SLC25A35: variants seen among roughly 807,000 people sequenced by gnomAD.
SLC25A35 encodes the protein solute carrier family 25 member 35, also known as solute carrier family 25, member 35.
A neutral mutation model predicts 30.5 loss-of-function variants in SLC25A35; 32 were observed. The observed-to-expected ratio is 1.05, with a 90% confidence interval of 0.79 to 1.41. The LOEUF (loss-of-function observed/expected upper bound fraction) is 1.41. SLC25A35 is among the 40% of genes most tolerant of loss of function. The probability of loss-of-function intolerance (pLI) is 0.00; values close to 1 mark genes in which losing one functional copy is unlikely to be tolerated. For missense variants in SLC25A35, 369 were observed against 388.0 expected, an observed-to-expected ratio of 0.95 and a Z score of 0.41; for synonymous variants, 142 against 158.1, an observed-to-expected ratio of 0.90 and a Z score of 0.77.
Position 8,290,666 on chromosome 17 carries a change from G to A in SLC25A35, c.742C>T (p.Arg248Trp), listed in dbSNP as rs766258497. Residue 248 changes from arginine (R) to tryptophan (W), a missense_variant, in exon 5 of 5, where the codon CGG becomes TGG. Arg to Trp is a moderately radical substitution (Grantham distance 101, BLOSUM62 -3). Coordinates refer to ENST00000577745, the MANE Select transcript of SLC25A35 (RefSeq NM_001320870.2). ...TGCAGCAGAGCGTCCAGTATCCCCCGGTACATGAGGCCCTGAGAGTGTGTC... is the reference window on the plus strand; with the variant it reads ...TGCAGCAGAGCGTCCAGTATCCCCCAGTACATGAGGCCCTGAGAGTGTGTC... ...TDAQGKGLMY[R>W]GILDALLQTA... is the part of the protein sequence containing the mutation. 67 of 1,572,818 alleles carry A rather than the reference G, an allele frequency of 4.3e-5. No homozygotes were observed. The highest frequency in any genetic ancestry group is 4.9e-5 in the Non-Finnish European group (57 of 1,165,756).
Position 8,294,535 on chromosome 17 carries a change from G to A in SLC25A35, c.273C>T (p.Gly91=), listed in dbSNP as rs761393917. ...LGTYGLAEAG[G]YLHTAEGTHS... is the part of the protein sequence containing the mutation. The stretch of plus-strand genomic sequence containing the variant: ...GGGTGCCTTCGGCTGTGTGCAGGTA[G>A]CCCCCAGCCTCAGCCAGCCCATAGG... Residue 91 remains glycine (G), a synonymous_variant, in exon 1 of 5, where the codon GGC becomes GGT. Coordinates refer to ENST00000577745, the MANE Select transcript of SLC25A35 (RefSeq NM_001320870.2). 1.2e-6 allele frequency: 2 copies of A among 1,613,918 alleles called. No homozygotes were observed. The highest frequency in any genetic ancestry group is 1.7e-6 in the Non-Finnish European group (2 of 1,180,014).
At chr17:8,288,598 AC>A, downstream of SLC25A35, 1 of 672,306 alleles carries the variant, frequency 1.5e-6, no homozygotes, top group Non-Finnish European at 2.6e-6. Context: ...AAAGCCGCTG[AC>A]CCCCGCCCCC....
At chr17:8,287,853 A>G (rs972121058), downstream of SLC25A35, 1 of 152,178 alleles carries the variant, frequency 6.6e-6, no homozygotes, top group Admixed American at 6.6e-5. Context: ...AGCATTCCCA[A>G]GGCAAATATT....
chr17:8,289,559 T>A, downstream of SLC25A35: 1 of 1,613,706 alleles, frequency 6.2e-7, no homozygotes, highest in Non-Finnish European at 8.5e-7. Flanking sequence ...AGTACCAGAC[T>A]GATCTCTTGC....
At position 8,294,565 on chromosome 17, in the gene SLC25A35, C is replaced by T; in HGVS notation, c.243G>A (p.Leu81=). ...CAGCCTCAGCCAGCCCATAGGTGCC[C>T]AGTCGGATGCCATTCATCAGGAACT... is the stretch of plus-strand genomic sequence containing the variant. ...LYQFLMNGIR[L]GTYGLAEAGG... Residue 81 remains leucine, a synonymous_variant, in exon 1 of 5, where the codon CTG becomes CTA. Transcript: ENST00000577745. 1 of 1,614,120 alleles carries T rather than the reference C, an allele frequency of 6.2e-7. No homozygotes were observed.
chr17:8,288,471 C>A, downstream of SLC25A35: 1 of 455,942 alleles, frequency 2.2e-6, no homozygotes, highest in Non-Finnish European at 4.1e-6. Context: ...CAAGAGGAGG[C>A]TGGCGGGAGC....
chr17:8,290,124 G>T lies in SLC25A35; in HGVS notation c.*381C>A. 6.8e-7 allele frequency: 1 copy of T among 1,471,160 alleles called. No homozygotes were observed. The highest frequency in any genetic ancestry group is 1.4e-5 in the South Asian group (1 of 69,750). The allele number at this position is 1,471,160 out of a possible 1,614,324, so 91.1% of individuals were successfully genotyped here. A position where few individuals can be genotyped will look rare whatever the true frequency, so the allele number is the denominator to read the frequency against. On this transcript the variant is annotated 3_prime_UTR_variant, in exon 5 of 5. Transcript: ENST00000577745. The stretch of plus-strand genomic sequence containing the variant: ...TGCCTTTGAATCTAACAGGACACCT[G>T]GGTCCCAGACGCCTGGGAATTGGGT...
At position 8,290,340 on chromosome 17, in the gene SLC25A35, A is replaced by C; in HGVS notation, c.*165T>G. 1 of 1,434,458 alleles carries C rather than the reference A, an allele frequency of 7.0e-7. No individual in the cohort carries two copies. Among genetic ancestry groups the C allele is most frequent in the Non-Finnish European group, 9.1e-7 (1 of 1,099,710 alleles). The allele number at this position is 1,434,458 out of a possible 1,614,324, so 88.9% of individuals were successfully genotyped here. A position where few individuals can be genotyped will look rare whatever the true frequency, so the allele number is the denominator to read the frequency against. ...AAGCAACACCCAAGGAAAGAAGGGA[A>C]ACTCATCTCTTGTAGTGATTCAACC... On this transcript the variant is annotated 3_prime_UTR_variant, in exon 5 of 5. Coordinates refer to ENST00000577745, the MANE Select transcript of SLC25A35 (RefSeq NM_001320870.2).
rs868172756 is a variant in SLC25A35 at position 8,290,189 on chromosome 17, C to T, written c.*316G>A. ...TGGTTTTGGAGGGAGGAGTTTAAAACTGTGCATGGGAGCAGGAGGGACTCA... is the reference window on the plus strand; with the variant it reads ...TGGTTTTGGAGGGAGGAGTTTAAAATTGTGCATGGGAGCAGGAGGGACTCA... On this transcript the variant is annotated 3_prime_UTR_variant, in exon 5 of 5. Coordinates refer to ENST00000577745, the MANE Select transcript of SLC25A35 (RefSeq NM_001320870.2). 4.2e-6 allele frequency: 6 copies of T among 1,431,502 alleles called. No homozygotes were observed. The highest frequency in any genetic ancestry group is 5.1e-4 in the Middle Eastern group (2 of 3,890). 88.7% of individuals were successfully genotyped at this position (1,431,502 alleles called of 1,614,324 possible). A position where few individuals can be genotyped will look rare whatever the true frequency, so the allele number is the denominator to read the frequency against.
At position 8,290,939 on chromosome 17, in the gene SLC25A35, GC is replaced by G. The variant is rs1452244923; in HGVS notation, c.631del (p.Ala211LeufsTer3). 11 of 1,614,106 alleles carry G rather than the reference GC, an allele frequency of 6.8e-6. No homozygotes were observed. Among genetic ancestry groups the G allele is most frequent in the Non-Finnish European group, 9.3e-6 (11 of 1,179,996 alleles). On this transcript the variant is annotated frameshift_variant, in exon 4 of 5. Transcript: ENST00000577745. LOFTEE classifies it high-confidence loss of function. ...AACTGCAATGCCACTCATCATGGCA[GC>G]CACCAGCGCCAACTTCCAGCTCTGG... is the stretch of plus-strand genomic sequence containing the variant. ...PPQSWKLALV[A>X]AMMSGIAVVL...
Position 8,294,939 on chromosome 17 carries a change from C to T in SLC25A35, c.-132G>A. Reference sequence around the variant, plus strand: ...TGCAGAAGATAAGAATTTAGATTTGCAGTCAAGGGTGTCAGGGTCAAATGT... The same window carrying T: ...TGCAGAAGATAAGAATTTAGATTTGTAGTCAAGGGTGTCAGGGTCAAATGT... On this transcript the variant is annotated 5_prime_UTR_variant, in exon 1 of 5. Coordinates refer to ENST00000577745, the MANE Select transcript of SLC25A35 (RefSeq NM_001320870.2). 1 of 1,450,296 alleles carries T rather than the reference C, an allele frequency of 6.9e-7. No homozygotes were observed. The highest frequency in any genetic ancestry group is 9.0e-7 in the Non-Finnish European group (1 of 1,106,910). 89.8% of individuals were successfully genotyped at this position (1,450,296 alleles called of 1,614,324 possible).
At chr17:8,289,890 T>G (rs1990347629), downstream of SLC25A35, 1 of 1,614,048 alleles carries the variant, frequency 6.2e-7, no homozygotes, top group Non-Finnish European at 8.5e-7. Flanking sequence ...GAACAGCTGG[T>G]GACCAGTCTG....
At position 8,295,028 on chromosome 17, in the gene SLC25A35, A is replaced by G; in HGVS notation, c.-221T>C. ...GCTGGCAAGCAGGGAAGAGATAGAA[A>G]TCTAGGAGATTCTGGTGAGAAGCTT... On this transcript the variant is annotated 5_prime_UTR_variant, in exon 1 of 5. Coordinates refer to ENST00000577745, the MANE Select transcript of SLC25A35 (RefSeq NM_001320870.2). 1 of 1,362,310 alleles carries G rather than the reference A, an allele frequency of 7.3e-7. No homozygotes were observed. Among genetic ancestry groups the G allele is most frequent in the East Asian group, 2.9e-5 (1 of 34,692 alleles). 84.4% of individuals were successfully genotyped at this position (1,362,310 alleles called of 1,614,324 possible). A position where few individuals can be genotyped will look rare whatever the true frequency, so the allele number is the denominator to read the frequency against.
At chr17:8,291,098 T>G in intron 3 of SLC25A35, 122 bp from the exon 4 acceptor site, 1 of 1,394,482 alleles carries the variant, frequency 7.2e-7, no homozygotes, top group Non-Finnish European at 9.8e-7. Context: ...GCACCAGTTA[T>G]AACAGTGCAA....
downstream of SLC25A35, chr17:8,288,534 A>G: frequency 1.7e-6 from 1 of 582,510 alleles, no homozygotes. Flanking sequence ...TCCAACCCCA[A>G]GGCAGACCCC....
downstream of SLC25A35, chr17:8,289,150 TC>T: frequency 1.2e-6 from 2 of 1,601,590 alleles, no homozygotes; most frequent in South Asian, 1.1e-5. Flanking sequence ...CGACGGTTAA[TC>T]CGGGCGGTGA....
downstream of SLC25A35, chr17:8,288,784 G>C (rs372632421): frequency 2.3e-5 from 37 of 1,614,078 alleles, no homozygotes; most frequent in African/African-American, 4.4e-4. Flanking sequence ...CCCAGCCTCA[G>C]ACCCATGGAG....
chr17:8,289,267 T>A (rs1487623643), downstream of SLC25A35: 17 of 1,613,586 alleles, frequency 1.1e-5, no homozygotes, highest in Non-Finnish European at 1.4e-5. Context: ...GGTACCACTT[T>A]GAGGATGTTG....
At position 8,291,333 on chromosome 17, in the gene SLC25A35, CT is replaced by C. The variant is rs1567660610; in HGVS notation, c.593del (p.Glu198GlyfsTer16). On this transcript the variant is annotated frameshift_variant and splice_region_variant, in exon 3 of 5. Transcript: ENST00000577745. LOFTEE classifies it high-confidence loss of function. ...SSTKDLLSQW[E>X]IFPPQSWKLA... ...GACCCACCCATTTCCCAGGCAGTACCTCCCACTGGCTCAGGAGGTCCTTGGT... is the reference window on the plus strand; with the variant it reads ...GACCCACCCATTTCCCAGGCAGTACCCCCACTGGCTCAGGAGGTCCTTGGT... 6.2e-7 allele frequency: 1 copy of C among 1,614,096 alleles called. No homozygotes were observed. Among genetic ancestry groups the C allele is most frequent in the Non-Finnish European group, 8.5e-7 (1 of 1,179,974 alleles).
Sources: allele counts gnomAD v4.1 joint callset, GRCh38; gene constraint gnomAD v4.1.1; transcripts MANE v1.5; gene names NCBI Gene and HGNC (gene_info 2026-07-23, HGNC 2026-07-21).